KCNQ3: variants seen among roughly 807,000 people sequenced by gnomAD.
KCNQ3 encodes the protein potassium voltage-gated channel subfamily Q member 3.
A neutral mutation model predicts 92.5 loss-of-function variants in KCNQ3; 30 were observed. The ratio of observed to expected loss-of-function variants is 0.32; its 90% CI spans 0.24 to 0.44. The LOEUF is 0.44. Among genes scored for constraint, KCNQ3 ranks in the 20% least tolerant of loss-of-function variants. The probability of loss-of-function intolerance (pLI) is 1.00; values close to 1 mark genes in which losing one functional copy is unlikely to be tolerated. For synonymous variants in KCNQ3, 450 were observed against 468.8 expected (o/e 0.96, Z 0.52); for missense variants, 913 against 1,140.3 (o/e 0.80, Z 2.87).
rs1162976016 is a variant in KCNQ3 at position 132,194,667 on chromosome 8, T to C, written c.387-8486A>G. On this transcript the variant is annotated intron_variant, in intron 1 of 14. Coordinates refer to ENST00000388996, the MANE Select transcript of KCNQ3 (RefSeq NM_004519.4). ...TTGCCATTCCCTTGGAACCCAGACA[T>C]GAGAACATAAGTCAGAGCTAAAATC... 2.6e-5 allele frequency among the ~76,000 whole-genome samples: 4 copies of C among 152,194 alleles called. No homozygotes were observed. In the South Asian group the frequency reaches 8.3e-4, roughly 32 times the overall value.
intron 1 of KCNQ3, among the ~76,000 whole-genome samples, chr8:132,456,793 T>G (rs1821952956): frequency 6.6e-6 from 1 of 152,080 alleles, no homozygotes; most frequent in Non-Finnish European, 1.5e-5. Flanking sequence ...CTTGTATTTT[T>G]AATAGAGACG....
At chr8:132,303,920 T>G (rs1041687418) in intron 1 of KCNQ3, among the ~76,000 whole-genome samples, 8 of 151,742 alleles carry the variant, frequency 5.3e-5, no homozygotes, top group Admixed American at 3.9e-4. Flanking sequence ...TCTTTTTATG[T>G]CTGAGTAATA....
chr8:132,284,145 G>T (rs1354397197), intron 1 of KCNQ3, among the ~76,000 whole-genome samples: 1 of 152,130 alleles, frequency 6.6e-6, no homozygotes, highest in African/African-American at 2.4e-5. Flanking sequence ...TAACTAACCT[G>T]CACATTGTGC....
intron 2 of KCNQ3, among the ~76,000 whole-genome samples, chr8:132,185,451 A>G (rs2130181356): frequency 6.6e-6 from 1 of 152,366 alleles, no homozygotes; most frequent in East Asian, 1.9e-4. Context: ...CCTCCTCTCA[A>G]CCAGGCACTG....
In KCNQ3 at chr8:132,341,801, A is replaced by G. The variant is rs367780239; in HGVS notation, c.386+138346T>C. 8.5e-5 allele frequency among the ~76,000 whole-genome samples: 13 copies of G among 152,232 alleles called. No individual in the cohort carries two copies. In the East Asian group the frequency reaches 1.7e-3, roughly 20 times the overall value. On this transcript the variant is annotated intron_variant, in intron 1 of 14. Coordinates refer to ENST00000388996, the MANE Select transcript of KCNQ3 (RefSeq NM_004519.4). The stretch of plus-strand genomic sequence containing the variant: ...GACATTCAGAGCATATCCACCTCTA[A>G]TCAACCTGATAACTGCCTATACAAA...
At chr8:132,269,368 A>C (rs576462756) in intron 1 of KCNQ3, among the ~76,000 whole-genome samples, 20 of 152,076 alleles carry the variant, frequency 1.3e-4, no homozygotes, top group Admixed American at 5.9e-4. Context: ...TTTTTAGTTA[A>C]CTTTTGTGAA....
chr8:132,235,497 T>C (rs949550001), intron 1 of KCNQ3, among the ~76,000 whole-genome samples: 2 of 151,982 alleles, frequency 1.3e-5, no homozygotes, highest in African/African-American at 4.8e-5. Flanking sequence ...TGAGACGCCA[T>C]CTCAAAAAAA....
At chr8:132,340,805 A>T (rs924715760) in intron 1 of KCNQ3, among the ~76,000 whole-genome samples, 2 of 152,190 alleles carry the variant, frequency 1.3e-5, no homozygotes, top group Non-Finnish European at 2.9e-5. Context: ...AAAGAAATTC[A>T]TTCTTCTTAA....
chr8:132,132,657 G>A (rs1168918493), intron 13 of KCNQ3, among the ~76,000 whole-genome samples: 1 of 124,396 alleles, frequency 8.0e-6, no homozygotes, highest in Non-Finnish European at 2.0e-5. Context: ...TGTGCAGGTG[G>A]AGAAGGGGTC....
At chr8:132,448,490 A>G (rs952491623) in intron 1 of KCNQ3, among the ~76,000 whole-genome samples, 26 of 134,844 alleles carry the variant, frequency 1.9e-4, no homozygotes, top group Admixed American at 4.7e-4. Flanking sequence ...AAGGGGGAAG[A>G]AGGAGAAATA....
intron 9 of KCNQ3, among the ~76,000 whole-genome samples, chr8:132,147,750 G>A (rs1248039611): frequency 6.6e-6 from 1 of 152,222 alleles, no homozygotes; most frequent in Non-Finnish European, 1.5e-5. Flanking sequence ...CGAAGAAAGG[G>A]TTAATCTGTC....
chr8:132,426,372 G>C (rs1212168825), intron 1 of KCNQ3, among the ~76,000 whole-genome samples: 3 of 152,216 alleles, frequency 2.0e-5, no homozygotes, highest in South Asian at 2.1e-4. Flanking sequence ...TCCTCCAACA[G>C]AGTTGTTAAA....
chr8:132,444,250 C>T (rs1441061220), intron 1 of KCNQ3, among the ~76,000 whole-genome samples: 3 of 152,118 alleles, frequency 2.0e-5, no homozygotes, highest in East Asian at 1.9e-4. Flanking sequence ...TCCTTTTGCA[C>T]CTGTCTCCTG....
intron 1 of KCNQ3, among the ~76,000 whole-genome samples, chr8:132,381,527 A>T (rs1819750331): frequency 6.6e-6 from 1 of 152,236 alleles, no homozygotes; most frequent in Non-Finnish European, 1.5e-5. Flanking sequence ...TATGCTGGAA[A>T]CACAAGGAGA....
chr8:132,139,651 T>TATC, intron 11 of KCNQ3, among the ~76,000 whole-genome samples: 1 of 152,344 alleles, frequency 6.6e-6, no homozygotes, highest in African/African-American at 2.4e-5. Flanking sequence ...TATAATTTAT[T>TATC]ATCTTGTTAA....
At chr8:132,377,266 G>A (rs141831590) in intron 1 of KCNQ3, among the ~76,000 whole-genome samples, 2 of 152,186 alleles carry the variant, frequency 1.3e-5, no homozygotes, top group Non-Finnish European at 2.9e-5. Context: ...GGACACTCCT[G>A]GTTCTCAGGC....
At chr8:132,446,383 T>C (rs1821677547) in intron 1 of KCNQ3, among the ~76,000 whole-genome samples, 1 of 152,160 alleles carries the variant, frequency 6.6e-6, no homozygotes, top group African/African-American at 2.4e-5. Flanking sequence ...AATGAACAGA[T>C]CAAAGGGGCT....
At chr8:132,172,746 T>TC in intron 6 of KCNQ3, 53 bp from the exon 7 acceptor site, 1 of 1,308,810 alleles carries the variant, frequency 7.6e-7, no homozygotes, top group Non-Finnish European at 1.1e-6. Context: ...GTCCCAGCAT[T>TC]CCCGCTCCAT....
chr8:132,161,348 G>T (rs1324245464), intron 9 of KCNQ3, among the ~76,000 whole-genome samples: 1 of 152,180 alleles, frequency 6.6e-6, no homozygotes, highest in East Asian at 1.9e-4. Context: ...GAATAAAGGG[G>T]CTGGGCCCGG....
Sources: allele counts gnomAD v4.1 joint callset (sites outside exome capture counted in the v4.1 genomes callset), GRCh38; gene constraint gnomAD v4.1.1; transcripts MANE v1.5; gene names NCBI Gene and HGNC (gene_info 2026-07-23, HGNC 2026-07-21).